Variants in XKR4 observed in about 807,000 individuals in gnomAD.
The protein encoded by XKR4 is XK related 4, also known as XK-related protein 4.
A neutral mutation model predicts 53.9 loss-of-function variants in XKR4; 12 were observed. The observed-to-expected ratio is 0.22, with a 90% CI of 0.14 to 0.36. XKR4 has a LOEUF of 0.36. Among genes scored for constraint, XKR4 ranks in the 10% least tolerant of loss-of-function variants. The pLI, the probability that XKR4 is intolerant of heterozygous loss-of-function variation, is 1.00. For synonymous variants in XKR4, 354 were observed against 362.4 expected, an observed-to-expected ratio of 0.98 and a Z score of 0.26; for missense variants, 799 against 859.5, an observed-to-expected ratio of 0.93 and a Z score of 0.88.
intron 1 of XKR4, among the ~76,000 whole-genome samples, chr8:55,167,137 T>C (rs1817080328): frequency 2.6e-5 from 4 of 152,160 alleles, no homozygotes; most frequent in Admixed American, 2.0e-4. Context: ...GACAGTTGAA[T>C]TGGGATGATG....
At chr8:55,434,650 T>G (rs999919213) in intron 2 of XKR4, among the ~76,000 whole-genome samples, 4 of 152,152 alleles carry the variant, frequency 2.6e-5, no homozygotes, top group African/African-American at 7.2e-5. Flanking sequence ...GCAAACAGAG[T>G]CTCCTGTGGA....
At chr8:55,191,954 C>T (rs369787030) in intron 1 of XKR4, among the ~76,000 whole-genome samples, 44 of 151,544 alleles carry the variant, frequency 2.9e-4, no homozygotes, top group South Asian at 6.2e-4. Flanking sequence ...TTTGTGATGA[C>T]GTAATGACTT....
At chr8:55,205,042 G>T (rs1325724667) in intron 1 of XKR4, among the ~76,000 whole-genome samples, 1 of 152,178 alleles carries the variant, frequency 6.6e-6, no homozygotes, top group Non-Finnish European at 1.5e-5. Context: ...TGTGAAGACA[G>T]TTCCCCAGGA....
intron 2 of XKR4, among the ~76,000 whole-genome samples, chr8:55,418,484 G>T (rs914831320): frequency 6.6e-6 from 1 of 152,162 alleles, no homozygotes; most frequent in Non-Finnish European, 1.5e-5. Context: ...CCAGAATTCA[G>T]CATGCGTCTC....
intron 2 of XKR4, among the ~76,000 whole-genome samples, chr8:55,505,059 T>C (rs1024568547): frequency 6.6e-6 from 1 of 152,104 alleles, no homozygotes; most frequent in Non-Finnish European, 1.5e-5. Context: ...ATTTCTGCTC[T>C]AATTATTATT....
At chr8:55,448,922 C>T (rs992971776) in intron 2 of XKR4, among the ~76,000 whole-genome samples, 5 of 152,096 alleles carry the variant, frequency 3.3e-5, no homozygotes, top group Non-Finnish European at 7.4e-5. Context: ...GGATAAGCAA[C>T]TGCCTGTAGC....
intron 2 of XKR4, among the ~76,000 whole-genome samples, chr8:55,461,828 C>T (rs2939650): frequency 0.13 from 19,651 of 152,108 alleles, 1,792 homozygotes; most frequent in East Asian, 0.41. Context: ...GTGACGAATG[C>T]ACAAGCCTCA....
At chr8:55,357,971 C>A in intron 2 of XKR4, 94 bp downstream of exon 2, 1 of 1,283,494 alleles carries the variant, frequency 7.8e-7, no homozygotes, top group Non-Finnish European at 1.1e-6. Context: ...CCTTTGTTGA[C>A]ACAGGCCTGT....
intron 1 of XKR4, among the ~76,000 whole-genome samples, chr8:55,141,434 C>G (rs567662218): frequency 5.8e-4 from 89 of 152,204 alleles, no homozygotes; most frequent in African/African-American, 2.0e-3. Context: ...CACCTTCCGT[C>G]TCTACTGGGG....
chr8:55,387,687 C>T (rs1034764535), intron 2 of XKR4, among the ~76,000 whole-genome samples: 1 of 152,186 alleles, frequency 6.6e-6, no homozygotes, highest in Non-Finnish European at 1.5e-5. Context: ...TCTCAGCCAG[C>T]TGCCTTGCTA....
rs1454515193 is a variant in XKR4, at chr8:55,530,326, G to A, written c.*6099G>A. ...GCAGGTCACAAACTTTAATATTTAA[G>A]AGGATTATTAAACCACTAGCTTGAA... is the stretch of plus-strand genomic sequence containing the variant. On this transcript the variant is annotated 3_prime_UTR_variant, in exon 3 of 3. Transcript: ENST00000327381. The A allele has an allele frequency of 1.3e-5, 2 of 152,152 alleles. No homozygotes were observed. Among genetic ancestry groups the A allele is most frequent in the South Asian group, 4.1e-4 (2 of 4,824 alleles). 9.4% of individuals were successfully genotyped at this position (152,152 alleles called of 1,614,324 possible).
intron 2 of XKR4, among the ~76,000 whole-genome samples, chr8:55,438,953 T>C (rs1382361272): frequency 6.6e-6 from 1 of 152,012 alleles, no homozygotes; most frequent in Non-Finnish European, 1.5e-5. Context: ...CAATCTGAAA[T>C]ACCCACATAA....
chr8:55,348,660 G>T (rs1350954140), intron 1 of XKR4, among the ~76,000 whole-genome samples: 2 of 150,770 alleles, frequency 1.3e-5, no homozygotes, highest in Non-Finnish European at 2.9e-5. Context: ...TGGATAGGTA[G>T]ATGATAGAGG....
At chr8:55,450,547 G>C in intron 2 of XKR4, 4 of 681,142 alleles carry the variant, frequency 5.9e-6, no homozygotes, top group South Asian at 2.9e-5. Context: ...AGAAACAGCG[G>C]GACACGTGGT....
chr8:55,504,120 G>T (rs139600581), intron 2 of XKR4, among the ~76,000 whole-genome samples: 2,364 of 152,132 alleles, frequency 0.016, 52 homozygotes, highest in African/African-American at 0.054. Flanking sequence ...GTATTTTGTT[G>T]AGGATTTTTG....
At chr8:55,170,513 G>A (rs1017556539) in intron 1 of XKR4, among the ~76,000 whole-genome samples, 3 of 152,134 alleles carry the variant, frequency 2.0e-5, no homozygotes, top group African/African-American at 7.2e-5. Flanking sequence ...ACATAGACCC[G>A]CTGCTTGATT....
In XKR4 at chr8:55,414,908, T is replaced by G. The variant is rs190517953; in HGVS notation, c.1006+57031T>G. ...GCATCTCAAAGTAGACGCCACATTTTCTACACATTCATTTAACTCACAAAG... is the reference window on the plus strand; with the variant it reads ...GCATCTCAAAGTAGACGCCACATTTGCTACACATTCATTTAACTCACAAAG... On this transcript the variant is annotated intron_variant, in intron 2 of 2. Transcript: ENST00000327381. Among the ~76,000 whole-genome samples the G allele has an allele frequency of 9.9e-4, 151 of 152,330 alleles. 4 individuals carry two copies. Among genetic ancestry groups the G allele is most frequent in the South Asian group, 1.5e-3 (7 of 4,826 alleles).
chr8:55,142,335 C>G (rs1443464463), intron 1 of XKR4: 2 of 366,932 alleles, frequency 5.5e-6, no homozygotes, highest in African/African-American at 2.1e-5. Flanking sequence ...TGCCTGCCCT[C>G]TTTCCTACTT....
chr8:55,181,480 T>A (rs552672905), intron 1 of XKR4, among the ~76,000 whole-genome samples: 21 of 152,354 alleles, frequency 1.4e-4, no homozygotes, highest in African/African-American at 4.8e-4. Context: ...ACATGTATTA[T>A]TTTTATTGAA....
Sources: allele counts gnomAD v4.1 joint callset (sites outside exome capture counted in the v4.1 genomes callset), GRCh38; gene constraint gnomAD v4.1.1; transcripts MANE v1.5; gene names NCBI Gene and HGNC (gene_info 2026-07-23, HGNC 2026-07-21).